Variants in PRDM11 observed in about 807,000 individuals in gnomAD.
PRDM11 encodes PR/SET domain 11.
A neutral mutation model predicts 97.8 loss-of-function variants in PRDM11; 20 were observed. The observed-to-expected ratio is 0.20, with a 90% CI of 0.14 to 0.30. PRDM11 has a LOEUF of 0.30. Among genes scored for constraint, PRDM11 ranks in the 10% least tolerant of loss-of-function variants. The probability of loss-of-function intolerance (pLI) is 1.00; values close to 1 mark genes in which losing one functional copy is unlikely to be tolerated. For synonymous variants in PRDM11, 599 were observed against 637.7 expected (o/e 0.94, Z 0.91); for missense variants, 1,139 against 1,555.2 (o/e 0.73, Z 4.50).
chr11:45,111,469 C>A (rs1852179291), intron 1 of PRDM11, among the ~76,000 whole-genome samples: 2 of 152,134 alleles, frequency 1.3e-5, no homozygotes, highest in Non-Finnish European at 2.9e-5. Context: ...GCAGCTGGCC[C>A]AACTGAAGGG....
At chr11:45,197,698 A>AG (rs1451428354) in intron 4 of PRDM11, among the ~76,000 whole-genome samples, 44 of 152,300 alleles carry the variant, frequency 2.9e-4, no homozygotes, top group Admixed American at 2.7e-3. Context: ...ATTTGAAAAA[A>AG]GGACGAGTTC....
chr11:45,121,687 C>CTTGTGTT (rs1852434284), intron 1 of PRDM11, among the ~76,000 whole-genome samples: 2 of 152,038 alleles, frequency 1.3e-5, no homozygotes, highest in African/African-American at 4.8e-5. Flanking sequence ...ATAGACTACA[C>CTTGTGTT]AATGGGTCAT....
In PRDM11 at chr11:45,219,482, TCCACACTTGC is replaced by T; in HGVS notation, c.555-84_555-75del. ...CCACGTGCCTGTGGACTTCTAACCA[TCCACACTTGC>T]CCAGCACTGTGCCGGCACCAGCGGG... is the stretch of plus-strand genomic sequence containing the variant. On this transcript the variant is annotated intron_variant, in intron 5 of 7. Coordinates refer to ENST00000683152, the MANE Select transcript of PRDM11 (RefSeq NM_001384648.1). The surrounding 1 kb of genome is among the most constrained non-coding windows in gnomAD (Gnocchi z 4.2). 1 of 1,326,980 alleles carries T rather than the reference TCCACACTTGC, an allele frequency of 7.5e-7. No homozygotes were observed. Among genetic ancestry groups the T allele is most frequent in the East Asian group, 2.5e-5 (1 of 40,514 alleles). 82.2% of individuals were successfully genotyped at this position (1,326,980 alleles called of 1,614,324 possible).
intron 1 of PRDM11, among the ~76,000 whole-genome samples, chr11:45,160,649 C>G (rs183488715): frequency 3.9e-5 from 6 of 152,362 alleles, no homozygotes; most frequent in African/African-American, 1.2e-4. Flanking sequence ...ACCATCCCCC[C>G]ACCACTGACA....
In PRDM11 at chr11:45,228,150, C is replaced by T. The variant is rs779681936; in HGVS notation, c.3525C>T (p.Pro1175=). Residue 1175 remains proline (P), a synonymous_variant, in exon 8 of 8, where the codon CCC becomes CCT. Coordinates refer to ENST00000683152, the MANE Select transcript of PRDM11 (RefSeq NM_001384648.1). ...TGGACCACGGGACGGAGTTTTACCC[C>T]GACATTTAGGGAGCTGGCGCTGCAG... ...QTMDHGTEFY[P]DI 37 of 1,519,752 alleles carry T rather than the reference C, an allele frequency of 2.4e-5. No individual in the cohort carries two copies. The highest frequency in any genetic ancestry group is 8.5e-5 in the South Asian group (7 of 82,634). 94.1% of individuals were successfully genotyped at this position (1,519,752 alleles called of 1,614,324 possible). A position where few individuals can be genotyped will look rare whatever the true frequency, so the allele number is the denominator to read the frequency against.
intron 1 of PRDM11, among the ~76,000 whole-genome samples, chr11:45,125,413 T>G (rs898982383): frequency 6.6e-6 from 1 of 152,216 alleles, no homozygotes; most frequent in Non-Finnish European, 1.5e-5. Flanking sequence ...GCTTTTCTAG[T>G]TCTTTTAATT....
chr11:45,113,456 T>C (rs1248669134), intron 1 of PRDM11, among the ~76,000 whole-genome samples: 4 of 152,152 alleles, frequency 2.6e-5, no homozygotes, highest in Non-Finnish European at 5.9e-5. Flanking sequence ...TTCCACAATT[T>C]TAGGATTGTT....
At chr11:45,110,143 C>T (rs928388421) in intron 1 of PRDM11, among the ~76,000 whole-genome samples, 1 of 152,228 alleles carries the variant, frequency 6.6e-6, no homozygotes, top group African/African-American at 2.4e-5. Context: ...AGGGACAGTA[C>T]CTACACCTTT....
At chr11:45,183,565 T>C (rs1009908583) in intron 4 of PRDM11, among the ~76,000 whole-genome samples, 2 of 152,172 alleles carry the variant, frequency 1.3e-5, no homozygotes, top group Non-Finnish European at 2.9e-5. Flanking sequence ...CAGACATGGT[T>C]CCTGCCCTCA....
chr11:45,109,004 G>C (rs1250557233), intron 1 of PRDM11, among the ~76,000 whole-genome samples: 1 of 152,250 alleles, frequency 6.6e-6, no homozygotes, highest in Non-Finnish European at 1.5e-5. Flanking sequence ...GAAGAAAGTT[G>C]CCTCTCCAGG....
chr11:45,213,340 G>T (rs1265085195), intron 5 of PRDM11: 1 of 455,062 alleles, frequency 2.2e-6, no homozygotes, highest in East Asian at 7.0e-5. Flanking sequence ...AGGCCTTGCA[G>T]GGAGGGGGGC....
At chr11:45,122,236 C>CACACACACACACACACACACACAG (rs570495237) in intron 1 of PRDM11, among the ~76,000 whole-genome samples, 2 of 144,522 alleles carry the variant, frequency 1.4e-5, no homozygotes, top group Non-Finnish European at 1.5e-5. Context: ...CACACACACA[C>CACACACACACACACACACACACAG]AGAGAGAAAC....
intron 1 of PRDM11, among the ~76,000 whole-genome samples, chr11:45,102,665 C>T (rs964206697): frequency 6.6e-6 from 1 of 152,070 alleles, no homozygotes; most frequent in African/African-American, 2.4e-5. Context: ...CCCCTGCCAT[C>T]CCAGTCCATT....
intron 1 of PRDM11, among the ~76,000 whole-genome samples, chr11:45,154,978 G>C (rs1851755734): frequency 6.6e-6 from 1 of 152,216 alleles, no homozygotes; most frequent in Non-Finnish European, 1.5e-5. Flanking sequence ...CAAACAGAGA[G>C]ATTGTCCAGC....
intron 4 of PRDM11, among the ~76,000 whole-genome samples, chr11:45,201,122 A>AT (rs1853311901): frequency 6.6e-6 from 1 of 152,200 alleles, no homozygotes. Context: ...AATCGCAACT[A>AT]TTGTATGGTA....
chr11:45,103,623 G>T (rs943287538), intron 1 of PRDM11, among the ~76,000 whole-genome samples: 4 of 151,712 alleles, frequency 2.6e-5, no homozygotes, highest in African/African-American at 9.7e-5. Flanking sequence ...GAGGGTGTCA[G>T]AAATACTTCT....
At chr11:45,156,204 A>G (rs936669000) in intron 1 of PRDM11, among the ~76,000 whole-genome samples, 2 of 152,198 alleles carry the variant, frequency 1.3e-5, no homozygotes, top group African/African-American at 4.8e-5. Context: ...TAAAGAAAGT[A>G]CAGCATATGA....
At chr11:45,099,530 A>G (rs1050523695) in intron 1 of PRDM11, among the ~76,000 whole-genome samples, 20 of 150,974 alleles carry the variant, frequency 1.3e-4, no homozygotes, top group African/African-American at 4.9e-4. Context: ...AGGAGTGAGG[A>G]AGCACCTGCC....
intron 4 of PRDM11, among the ~76,000 whole-genome samples, chr11:45,192,643 C>G (rs556489320): frequency 1.3e-5 from 2 of 152,300 alleles, no homozygotes; most frequent in East Asian, 1.9e-4. Flanking sequence ...GCTTTCCAGT[C>G]CATTCTACTG....
Sources: gnomAD v4.1 joint callset for allele counts (sites outside exome capture counted in the v4.1 genomes callset) on GRCh38, gnomAD v4.1.1 for gene constraint, Gnocchi (gnomAD v3.1) non-coding constraint, MANE v1.5 for transcripts, NCBI Gene and HGNC (gene_info 2026-07-23, HGNC 2026-07-21) for gene names.